The following CXorf58 variants were observed in gnomAD, a reference collection of about 807,000 sequenced individuals.
CXorf58 encodes the protein uncharacterized protein CXorf58.
In CXorf58, 24 loss-of-function variants were observed where a neutral mutation model predicts 26.0. That is an observed-to-expected ratio of 0.92 (90% CI 0.67 to 1.30). The LOEUF (loss-of-function observed/expected upper bound fraction) is 1.30, where lower values mean the gene tolerates loss of function less well. CXorf58 is among the 50% of genes most tolerant of loss of function. The probability of loss-of-function intolerance (pLI) is 0.00; values close to 1 mark genes in which losing one functional copy is unlikely to be tolerated. For synonymous variants in CXorf58, 87 were observed against 86.1 expected (o/e 1.01, Z -0.06); for missense variants, 236 against 263.9 (o/e 0.89, Z 0.73).
At chrX:23,936,084 T>G (rs771263605) in intron 7 of CXorf58, among the ~76,000 whole-genome samples, 1 of 110,621 alleles carries the variant, frequency 9.0e-6, no homozygotes, top group African/African-American at 3.3e-5. Flanking sequence ...TGGTTGCCTT[T>G]TAAGTGGACA....
At chrX:23,916,655 C>T (rs1311261569) in intron 5 of CXorf58, among the ~76,000 whole-genome samples, 3 of 110,744 alleles carry the variant, frequency 2.7e-5, no homozygotes, top group African/African-American at 9.8e-5. Context: ...TTTGGGAGGC[C>T]GAGGCGGGCA....
chrX:23,911,397 G>A (rs1006975774), intron 2 of CXorf58, among the ~76,000 whole-genome samples: 1 of 111,551 alleles, frequency 9.0e-6, no homozygotes, highest in African/African-American at 3.3e-5. Flanking sequence ...CTAGTTGGAC[G>A]TTTCATTTTA....
chrX:23,907,981 G>C, upstream of CXorf58: 1 of 303,184 alleles, frequency 3.3e-6, no homozygotes, highest in African/African-American at 2.7e-5. Context: ...GCGGTTGCTA[G>C]GCGGCAAGAA....
At chrX:23,932,324 A>T (rs1928181826) in intron 6 of CXorf58, among the ~76,000 whole-genome samples, 1 of 112,021 alleles carries the variant, frequency 8.9e-6, no homozygotes, top group Admixed American at 9.5e-5. Flanking sequence ...ATTTATGTTG[A>T]TAAGTTCATC....
chrX:23,910,392 T>C lies in CXorf58; in HGVS notation c.90T>C (p.Asn30=). Residue 30 remains asparagine, a synonymous_variant, in exon 2 of 9, where the codon AAT becomes AAC. Coordinates refer to ENST00000379211, the MANE Select transcript of CXorf58 (RefSeq NM_152761.3). ...AAGTTCGCAGAGTACATTTCGCAAA[T>C]GCACGAAATGCAAGATCATTACTAT... ...LQKVRRVHFA[N]ARNARSLLSM... is the part of the protein sequence containing the mutation. The C allele has an allele frequency of 8.7e-7, 1 of 1,150,435 alleles. No homozygotes were observed. Among genetic ancestry groups the C allele is most frequent in the Non-Finnish European group, 1.2e-6 (1 of 841,220 alleles). The allele number at this position is 1,150,435 out of a possible 1,213,427, so 94.8% of individuals were successfully genotyped here. A position where few individuals can be genotyped will look rare whatever the true frequency, so the allele number is the denominator to read the frequency against.
intron 7 of CXorf58, among the ~76,000 whole-genome samples, chrX:23,936,668 C>T (rs1928302828): frequency 8.9e-6 from 1 of 111,900 alleles, no homozygotes; most frequent in African/African-American, 3.2e-5. Context: ...TCCCTTTGTA[C>T]ATGAAGAAGA....
chrX:23,916,383 G>C (rs765833284), intron 5 of CXorf58, 55 bp downstream of exon 5: 1 of 708,095 alleles, frequency 1.4e-6, no homozygotes, highest in African/African-American at 2.2e-5. Context: ...CATCTACATA[G>C]TATCTGAATT....
chrX:23,932,523 A>G (rs1233618264), intron 6 of CXorf58, among the ~76,000 whole-genome samples: 1 of 112,058 alleles, frequency 8.9e-6, no homozygotes, highest in Non-Finnish European at 1.9e-5. Context: ...AAAATGTCAC[A>G]TGGGTTTATC....
intron 5 of CXorf58, among the ~76,000 whole-genome samples, chrX:23,923,715 C>T (rs985213410): frequency 9.0e-6 from 1 of 111,126 alleles, no homozygotes; most frequent in African/African-American, 3.3e-5. Context: ...CTTTGGGAGG[C>T]CAAGGCAGGC....
chrX:23,932,300 T>C (rs958220778), intron 6 of CXorf58, among the ~76,000 whole-genome samples: 4 of 112,217 alleles, frequency 3.6e-5, no homozygotes, highest in African/African-American at 1.3e-4. Context: ...CTTTTTATCA[T>C]AGCCACTTTC....
rs1303016160 is a variant in CXorf58, at chrX:23,927,374, A to C, written c.555+4A>C. 1 of 1,124,821 alleles carries C rather than the reference A, an allele frequency of 8.9e-7. No individual in the cohort carries two copies. The highest frequency in any genetic ancestry group is 2.3e-5 in the South Asian group (1 of 43,164). The allele number at this position is 1,124,821 out of a possible 1,213,427, so 92.7% of individuals were successfully genotyped here. On this transcript the variant is annotated splice_donor_region_variant and intron_variant, in intron 6 of 8. Coordinates refer to ENST00000379211, the MANE Select transcript of CXorf58 (RefSeq NM_152761.3). The stretch of plus-strand genomic sequence containing the variant: ...CACCATGCAAGATTATGTACAAGTA[A>C]GGAATTTAGATTTAGAAAAACAAAC...
chrX:23,937,285 G>C (rs371351926), intron 7 of CXorf58, among the ~76,000 whole-genome samples: 3 of 111,640 alleles, frequency 2.7e-5, no homozygotes, highest in African/African-American at 9.8e-5. Flanking sequence ...TATCCCACAG[G>C]GGGCAGGGGA....
At chrX:23,926,009 G>A (rs1432925122) in intron 5 of CXorf58, among the ~76,000 whole-genome samples, 10 of 108,441 alleles carry the variant, frequency 9.2e-5, no homozygotes, top group South Asian at 8.1e-4. Flanking sequence ...GGCTGGTCTC[G>A]AACTCCTGAC....
chrX:23,937,937 G>A (rs1230136585), intron 7 of CXorf58, among the ~76,000 whole-genome samples: 3 of 108,404 alleles, frequency 2.8e-5, no homozygotes, highest in Non-Finnish European at 5.7e-5. Flanking sequence ...CCAGGCTGGA[G>A]TGCAGTGGCA....
intron 6 of CXorf58, among the ~76,000 whole-genome samples, chrX:23,931,890 A>C (rs1037187286): frequency 1.8e-5 from 2 of 112,570 alleles, no homozygotes; most frequent in Non-Finnish European, 3.7e-5. Flanking sequence ...AAAGAAAAAA[A>C]CCCAACACAT....
intron 7 of CXorf58, among the ~76,000 whole-genome samples, chrX:23,937,570 C>T (rs1363149025): frequency 9.2e-6 from 1 of 109,259 alleles, no homozygotes; most frequent in African/African-American, 3.3e-5. Flanking sequence ...GGATTACAGG[C>T]ATGTGCCACC....
chrX:23,929,506 T>C (rs1410384978), intron 6 of CXorf58, among the ~76,000 whole-genome samples: 1 of 111,415 alleles, frequency 9.0e-6, no homozygotes, highest in Non-Finnish European at 1.9e-5. Context: ...CTCTCTTCAA[T>C]TCTATGAAGG....
intron 6 of CXorf58, among the ~76,000 whole-genome samples, chrX:23,933,877 TC>T (rs200039280): frequency 2.3e-5 from 2 of 86,814 alleles, no homozygotes; most frequent in African/African-American, 4.9e-5. Context: ...TGAAACTCCG[TC>T]CCCCCCAAAA....
chrX:23,911,989 T>G, intron 3 of CXorf58, 133 bp downstream of exon 3: 1 of 490,945 alleles, frequency 2.0e-6, no homozygotes, highest in Non-Finnish European at 3.5e-6. Flanking sequence ...TCTGGCTCTT[T>G]CACCCAGGCT....
Sources: gnomAD v4.1 joint callset for allele counts (sites outside exome capture counted in the v4.1 genomes callset) on GRCh38, gnomAD v4.1.1 for gene constraint, MANE v1.5 for transcripts, NCBI Gene and HGNC (gene_info 2026-07-23, HGNC 2026-07-21) for gene names.